The following NCALD variants were observed in gnomAD, a reference collection of about 807,000 sequenced individuals.
NCALD encodes the protein neurocalcin-delta.
In NCALD, 10 loss-of-function variants were observed where a neutral mutation model predicts 18.6. The ratio of observed to expected loss-of-function variants is 0.54; its 90% CI spans 0.33 to 0.91. The LOEUF is 0.91. NCALD is among the 40% of genes least tolerant of loss of function. The probability of loss-of-function intolerance (pLI) is 0.03; values close to 1 mark genes in which losing one functional copy is unlikely to be tolerated. For missense variants in NCALD, 184 were observed against 247.6 expected (o/e 0.74, Z 1.72); for synonymous variants, 88 against 87.4 (o/e 1.01, Z -0.04).
rs112823473 is a variant in NCALD, at chr8:101,930,162, A to G, written c.-156-14304T>C. ...ACAAAAATTATAAATTTTAAAAACT[A>G]AAGAATAGCTTAGCATCACAATAAT... On this transcript the variant is annotated intron_variant, in intron 2 of 6. Transcript: ENST00000311028. Among the ~76,000 whole-genome samples the G allele has an allele frequency of 8.0e-3, 1,216 of 152,334 alleles. 19 individuals are homozygous for G. The highest frequency in any genetic ancestry group is 0.028 in the African/African-American group (1,145 of 41,588).
At chr8:101,806,539 T>A (rs1270540407) in intron 4 of NCALD, among the ~76,000 whole-genome samples, 1 of 152,026 alleles carries the variant, frequency 6.6e-6, no homozygotes, top group African/African-American at 2.4e-5. Flanking sequence ...CAACTGGAAA[T>A]GCCAGAGTTT....
intron 1 of NCALD, among the ~76,000 whole-genome samples, chr8:102,052,444 G>A (rs1452508804): frequency 6.6e-6 from 1 of 152,220 alleles, no homozygotes; most frequent in Admixed American, 6.5e-5. Flanking sequence ...ATGTTTTGGT[G>A]TCAACTCTGA....
intron 2 of NCALD, among the ~76,000 whole-genome samples, chr8:102,006,838 T>C (rs1821730986): frequency 6.6e-6 from 1 of 152,222 alleles, no homozygotes; most frequent in Non-Finnish European, 1.5e-5. Flanking sequence ...CTGTAAATAG[T>C]GCTTTGTTAC....
chr8:102,050,879 AATTG>A (rs544436811), intron 1 of NCALD, among the ~76,000 whole-genome samples: 7 of 146,086 alleles, frequency 4.8e-5, no homozygotes, highest in African/African-American at 9.9e-5. Flanking sequence ...TTTTTAATTT[AATTG>A]ATTATTAATT....
At chr8:101,832,339 G>A (rs1814224383) in intron 4 of NCALD, among the ~76,000 whole-genome samples, 1 of 152,058 alleles carries the variant, frequency 6.6e-6, no homozygotes, top group Non-Finnish European at 1.5e-5. Flanking sequence ...CCAAGGCAGG[G>A]AACTTAGACC....
At chr8:101,956,571 G>GAGAA (rs1819631068) in intron 2 of NCALD, among the ~76,000 whole-genome samples, 1 of 152,072 alleles carries the variant, frequency 6.6e-6, no homozygotes, top group Admixed American at 6.6e-5. Flanking sequence ...TTAGGGGAGA[G>GAGAA]AGAAAGAGGG....
rs578015798 is a variant in NCALD, at chr8:101,691,746, G to A, written c.484+1045C>T. 9 of 985,354 alleles carry A rather than the reference G, an allele frequency of 9.1e-6. No individual in the cohort carries two copies. The African/African-American group carries it at 1.6e-4, about 17-fold the overall frequency. 61.0% of individuals were successfully genotyped at this position (985,354 alleles called of 1,614,324 possible). Reference sequence around the variant, plus strand: ...CATACCACACAAACCCAGATTCTTAGGCAGCTGTACCTGGGCGGGGGATAA... The same window carrying A: ...CATACCACACAAACCCAGATTCTTAAGCAGCTGTACCTGGGCGGGGGATAA... On this transcript the variant is annotated intron_variant, in intron 3 of 3. Transcript: ENST00000220931.
intron 2 of NCALD, among the ~76,000 whole-genome samples, chr8:101,703,657 T>C (rs552323668): frequency 6.6e-6 from 1 of 152,298 alleles, no homozygotes; most frequent in Non-Finnish European, 1.5e-5. Context: ...TTGAGAGGGT[T>C]TCCAAGCCAC....
intron 1 of NCALD, among the ~76,000 whole-genome samples, chr8:102,021,576 C>T (rs1822273948): frequency 6.6e-6 from 1 of 152,168 alleles, no homozygotes; most frequent in South Asian, 2.1e-4. Flanking sequence ...GGGTACCAGG[C>T]TGAGGTGGGT....
At chr8:102,028,391 C>G (rs944731395) in intron 1 of NCALD, among the ~76,000 whole-genome samples, 1 of 152,202 alleles carries the variant, frequency 6.6e-6, no homozygotes, top group African/African-American at 2.4e-5. Flanking sequence ...ATAAATAAAG[C>G]AAGCCTCTTT....
intron 2 of NCALD, among the ~76,000 whole-genome samples, chr8:101,713,834 C>T (rs1815932766): frequency 1.3e-5 from 2 of 152,280 alleles, no homozygotes; most frequent in South Asian, 4.2e-4. Context: ...GGATTCACAG[C>T]CGAATTCTAC....
chr8:101,803,811 T>C (rs1464658479), intron 4 of NCALD, among the ~76,000 whole-genome samples: 1 of 152,174 alleles, frequency 6.6e-6, no homozygotes, highest in African/African-American at 2.4e-5. Context: ...GTGAATGTTG[T>C]TGAATGACAA....
intron 2 of NCALD, among the ~76,000 whole-genome samples, chr8:101,975,880 T>C (rs1820403806): frequency 1.3e-5 from 2 of 152,194 alleles, no homozygotes; most frequent in Admixed American, 6.5e-5. Flanking sequence ...CAACCTATTC[T>C]ACCCTGCTCT....
chr8:102,059,934 G>A (rs1460958901), intron 1 of NCALD, among the ~76,000 whole-genome samples: 1 of 152,278 alleles, frequency 6.6e-6, no homozygotes, highest in Middle Eastern at 3.4e-3. Context: ...GATGCAGCAG[G>A]TCTGGAGTAC....
intron 1 of NCALD, among the ~76,000 whole-genome samples, chr8:101,723,647 T>C (rs1228965143): frequency 1.3e-5 from 2 of 152,234 alleles, no homozygotes; most frequent in African/African-American, 4.8e-5. Context: ...AATATTTTAA[T>C]ATTAGTTCAA....
chr8:101,690,987 G>A, intron 3 of NCALD: 1 of 985,460 alleles, frequency 1.0e-6, no homozygotes. Flanking sequence ...GCTCCTAGGA[G>A]AACTTGCCTG....
At chr8:101,781,001 G>T (rs1326046535) in intron 1 of NCALD, among the ~76,000 whole-genome samples, 1 of 152,072 alleles carries the variant, frequency 6.6e-6, no homozygotes, top group African/African-American at 2.4e-5. Context: ...AGGAGAAAGA[G>T]AGTTCTATTT....
chr8:102,017,779 C>A (rs1466188199), intron 2 of NCALD, among the ~76,000 whole-genome samples: 2 of 152,182 alleles, frequency 1.3e-5, no homozygotes, highest in African/African-American at 4.8e-5. Context: ...AAACTTTCTA[C>A]TCTTTGAATG....
chr8:101,746,612 AT>A (rs1467627372), intron 1 of NCALD, among the ~76,000 whole-genome samples: 4 of 152,088 alleles, frequency 2.6e-5, no homozygotes, highest in Non-Finnish European at 5.9e-5. Flanking sequence ...GAAGCAAAAT[AT>A]TTTCCTTCAA....
Sources: gnomAD v4.1 joint callset for allele counts (sites outside exome capture counted in the v4.1 genomes callset) on GRCh38, gnomAD v4.1.1 for gene constraint, MANE v1.5 for transcripts, NCBI Gene and HGNC (gene_info 2026-07-23, HGNC 2026-07-21) for gene names.